The following TENM3 variants were observed in gnomAD, a reference collection of about 807,000 sequenced individuals.
The protein encoded by TENM3 is teneurin-3.
Under a neutral mutation model 255.1 loss-of-function variants are expected in TENM3, and 63 were observed. The ratio of observed to expected loss-of-function variants is 0.25; its 90% confidence interval spans 0.20 to 0.30. The LOEUF is 0.30. Ranked by LOEUF, TENM3 falls within the 10% of genes least tolerant of loss-of-function variation. The probability of loss-of-function intolerance (pLI) is 1.00; values close to 1 mark genes in which losing one functional copy is unlikely to be tolerated. For missense variants in TENM3, 2,929 were observed against 3,461.1 expected (o/e 0.85, Z 3.86); for synonymous variants, 1,306 against 1,322.3 (o/e 0.99, Z 0.27).
the TENM3 span, among the ~76,000 whole-genome samples, chr4:181,582,554 G>T: frequency 1.3e-5 from 2 of 151,924 alleles, no homozygotes; most frequent in African/African-American, 4.8e-5. Flanking sequence ...GGCTGGGGCA[G>T]GAGAATCGCT....
At chr4:182,177,958 G>GTTTTTTTTTTTTTTT (rs56256529) in intron 1 of TENM3, among the ~76,000 whole-genome samples, 2 of 117,142 alleles carry the variant, frequency 1.7e-5, no homozygotes, top group Non-Finnish European at 3.6e-5. Flanking sequence ...TTTGGTTTTT[G>GTTTTTTTTTTTTTTT]TTTTTTTTTT....
intron 3 of TENM3, among the ~76,000 whole-genome samples, chr4:182,573,290 C>T (rs940637471): frequency 6.6e-6 from 1 of 151,976 alleles, no homozygotes; most frequent in Non-Finnish European, 1.5e-5. Context: ...CGCTTATGAA[C>T]CAAATATATA....
chr4:182,483,184 G>A (rs1734365044), intron 3 of TENM3, among the ~76,000 whole-genome samples: 1 of 152,098 alleles, frequency 6.6e-6, no homozygotes. Flanking sequence ...ATCTAGTGCT[G>A]AGATTTTTAG....
intron 12 of TENM3, among the ~76,000 whole-genome samples, chr4:182,692,465 A>T (rs1452580695): frequency 2.0e-5 from 3 of 152,210 alleles, no homozygotes; most frequent in Non-Finnish European, 4.4e-5. Context: ...TGGAGGCTGT[A>T]AGTGAGATTG....
chr4:182,591,290 G>C (rs780992159), intron 3 of TENM3, among the ~76,000 whole-genome samples: 17 of 152,132 alleles, frequency 1.1e-4, no homozygotes, highest in Non-Finnish European at 2.4e-4. Flanking sequence ...TTCAGACTTT[G>C]ATTATTTCTT....
the TENM3 span, among the ~76,000 whole-genome samples, chr4:181,644,432 T>C: frequency 6.8e-6 from 1 of 146,302 alleles, no homozygotes; most frequent in Non-Finnish European, 1.5e-5. Context: ...TCTCTTATCT[T>C]AAAAAAAAAA....
the TENM3 span, among the ~76,000 whole-genome samples, chr4:182,010,680 C>T: frequency 2.0e-5 from 3 of 152,108 alleles, no homozygotes; most frequent in Admixed American, 1.3e-4. Context: ...TTTTATACAG[C>T]AAGGTATTAT....
chr4:182,411,805 C>T (rs1272786093), intron 3 of TENM3, among the ~76,000 whole-genome samples: 1 of 152,220 alleles, frequency 6.6e-6, no homozygotes, highest in Non-Finnish European at 1.5e-5. Flanking sequence ...TGAGTTCATA[C>T]TTTCATTCAT....
the TENM3 span, among the ~76,000 whole-genome samples, chr4:181,749,862 C>T: frequency 6.6e-6 from 1 of 152,126 alleles, no homozygotes; most frequent in Non-Finnish European, 1.5e-5. Context: ...ACAAGGTGCT[C>T]TTAAAGGGGC....
the TENM3 span, among the ~76,000 whole-genome samples, chr4:181,491,971 T>C: frequency 6.6e-6 from 1 of 152,206 alleles, no homozygotes; most frequent in African/African-American, 2.4e-5. Context: ...TTCTAGTGAA[T>C]GGCGTTTTGG....
chr4:182,778,558 T>G (rs1764882604), intron 24 of TENM3, among the ~76,000 whole-genome samples: 2 of 152,160 alleles, frequency 1.3e-5, no homozygotes, highest in African/African-American at 4.8e-5. Context: ...GAGCCTGCCC[T>G]TCCTTACTTC....
At chr4:182,000,111 T>G in the TENM3 span, among the ~76,000 whole-genome samples, 1 of 152,160 alleles carries the variant, frequency 6.6e-6, no homozygotes, top group African/African-American at 2.4e-5. Context: ...TATCAACTGG[T>G]TTTATTGTTT....
Position 182,789,507 on chromosome 4 carries a change from C to A in TENM3, c.5601+118C>A. 1.0e-6 allele frequency: 1 copy of A among 976,878 alleles called. No individual in the cohort carries two copies. Among genetic ancestry groups the A allele is most frequent in the Non-Finnish European group, 1.5e-6 (1 of 667,574 alleles). 60.5% of individuals were successfully genotyped at this position (976,878 alleles called of 1,614,324 possible). On this transcript the variant is annotated intron_variant, in intron 25 of 27. Transcript: ENST00000511685. This position sits in a 1 kb window ranked among gnomAD's most constrained non-coding sequence, Gnocchi z 4.4. ...ACATGACTGAGTTCCATTTGTTATT[C>A]GAAGTATCAATACGGAAGTCACATT...
rs1383848107 is a variant in TENM3 at position 182,653,820 on chromosome 4, C to T, written c.1038C>T (p.Asp346=). 1 of 1,612,890 alleles carries T rather than the reference C, an allele frequency of 6.2e-7. No homozygotes were observed. Among genetic ancestry groups the T allele is most frequent in the South Asian group, 1.1e-5 (1 of 90,916 alleles). The change falls in exon 6 of 28, where the codon GAC becomes GAT. Residue 346 remains aspartate (D), a synonymous_variant. Coordinates refer to ENST00000511685, the MANE Select transcript of TENM3 (RefSeq NM_001080477.4). ...GGCAGCTACAGCAGACTGAAAATGACACATTTGAGAATGGAAAAGTGAATT... is the reference window on the plus strand; with the variant it reads ...GGCAGCTACAGCAGACTGAAAATGATACATTTGAGAATGGAAAAGTGAATT... ...LNWQLQQTEN[D]TFENGKVNSD...
chr4:182,180,641 T>A (rs1393236656), intron 1 of TENM3, among the ~76,000 whole-genome samples: 4 of 151,520 alleles, frequency 2.6e-5, no homozygotes, highest in Non-Finnish European at 5.9e-5. Context: ...GTTTCTCTTT[T>A]TTTTTTTTTC....
chr4:182,529,628 C>G (rs1018241412), intron 3 of TENM3, among the ~76,000 whole-genome samples: 1 of 152,188 alleles, frequency 6.6e-6, no homozygotes, highest in African/African-American at 2.4e-5. Flanking sequence ...ATAACCTTCT[C>G]CCTGTAATAA....
intron 1 of TENM3, among the ~76,000 whole-genome samples, chr4:182,191,842 T>C (rs1175653155): frequency 6.6e-6 from 1 of 152,208 alleles, no homozygotes; most frequent in Non-Finnish European, 1.5e-5. Flanking sequence ...AACTGCATTT[T>C]AGATCACAGA....
At chr4:182,782,000 A>C (rs2152811349) in intron 24 of TENM3, among the ~76,000 whole-genome samples, 2 of 129,728 alleles carry the variant, frequency 1.5e-5, no homozygotes, top group East Asian at 4.5e-4. Context: ...CCTTTCAAAA[A>C]ACCAGCTCCT....
Position 182,243,946 on chromosome 4 carries a change from CTTTTTTTT to C in TENM3, c.-76+488_-76+495del, listed in dbSNP as rs967487689. Among the ~76,000 whole-genome samples the C allele has an allele frequency of 2.6e-4, 19 of 72,882 alleles. 1 individual carries two copies. Among genetic ancestry groups the C allele is most frequent in the African/African-American group, 9.6e-4 (17 of 17,654 alleles). The allele number at this position is 72,882 out of a possible 152,430, so 47.8% of individuals were successfully genotyped here. ...CCAAGAATGGAATCATTTGTGTTTT[CTTTTTTTT>C]TTTTTTTTTTTTTTTTTGAGACGGA... On this transcript the variant is annotated intron_variant, in intron 1 of 27. Transcript: ENST00000511685.
Sources: allele counts gnomAD v4.1 joint callset (sites outside exome capture counted in the v4.1 genomes callset), GRCh38; gene constraint gnomAD v4.1.1; non-coding constraint Gnocchi (gnomAD v3.1); transcripts MANE v1.5; gene names NCBI Gene and HGNC (gene_info 2026-07-23, HGNC 2026-07-21).